Variants in STXBP4 observed in about 807,000 individuals in gnomAD.
STXBP4 encodes syntaxin binding protein 4, also known as syntaxin-binding protein 4.
In STXBP4, 55 loss-of-function variants were observed where a neutral mutation model predicts 76.1. That is an observed-to-expected ratio of 0.72 (90% CI 0.58 to 0.91). The LOEUF (loss-of-function observed/expected upper bound fraction) is 0.91, where lower values mean the gene tolerates loss of function less well. Ranked by LOEUF, STXBP4 falls within the 40% of genes least tolerant of loss-of-function variation. The probability of loss-of-function intolerance (pLI) is 0.00; values close to 1 mark genes in which losing one functional copy is unlikely to be tolerated. For synonymous variants in STXBP4, 201 were observed against 220.2 expected (o/e 0.91, Z 0.77); for missense variants, 618 against 636.9 (o/e 0.97, Z 0.32).
At chr17:55,150,571 A>G (rs781527397) in intron 17 of STXBP4, among the ~76,000 whole-genome samples, 5 of 152,204 alleles carry the variant, frequency 3.3e-5, no homozygotes, top group Non-Finnish European at 7.4e-5. Flanking sequence ...TACATTTCAT[A>G]AGGTCCCTAG....
chr17:55,145,408 T>C (rs374956322), intron 17 of STXBP4, among the ~76,000 whole-genome samples: 1 of 152,220 alleles, frequency 6.6e-6, no homozygotes, highest in Admixed American at 6.5e-5. Flanking sequence ...TGATGGTCTA[T>C]ATACACATAA....
At chr17:55,020,927 A>G (rs2078299649) in intron 8 of STXBP4, among the ~76,000 whole-genome samples, 1 of 152,166 alleles carries the variant, frequency 6.6e-6, no homozygotes, top group African/African-American at 2.4e-5. Context: ...AGATTTACAT[A>G]TGTATGTTTC....
At chr17:55,211,184 T>A in the STXBP4 span, among the ~76,000 whole-genome samples, 1 of 152,166 alleles carries the variant, frequency 6.6e-6, no homozygotes. Flanking sequence ...TTGAGCATCA[T>A]TCATTTCAAT....
intron 16 of STXBP4, among the ~76,000 whole-genome samples, chr17:55,130,539 A>G (rs1042106868): frequency 1.2e-4 from 19 of 152,202 alleles, no homozygotes; most frequent in Admixed American, 7.9e-4. Flanking sequence ...AACATTTAAA[A>G]TCTACACTTT....
At chr17:55,197,607 G>A in the STXBP4 span, among the ~76,000 whole-genome samples, 6 of 152,300 alleles carry the variant, frequency 3.9e-5, no homozygotes, top group Non-Finnish European at 8.8e-5. Flanking sequence ...GCCAGGCGTG[G>A]TGGCATGCAC....
the STXBP4 span, among the ~76,000 whole-genome samples, chr17:55,207,822 T>G: frequency 2.0e-5 from 3 of 152,222 alleles, no homozygotes. Context: ...ACATGTAGTT[T>G]GTTGAGCGGA....
chr17:54,995,934 A>T (rs2077794590), intron 4 of STXBP4, among the ~76,000 whole-genome samples: 1 of 152,134 alleles, frequency 6.6e-6, no homozygotes. Flanking sequence ...CATGAAAAGG[A>T]CAGAGTTCTA....
intron 7 of STXBP4, among the ~76,000 whole-genome samples, chr17:55,002,111 G>A (rs1426528225): frequency 3.9e-5 from 6 of 152,116 alleles, no homozygotes; most frequent in Admixed American, 1.3e-4. Context: ...TTAATTTCCA[G>A]TCTCTGCATG....
At chr17:55,212,665 G>A in the STXBP4 span, among the ~76,000 whole-genome samples, 2 of 152,070 alleles carry the variant, frequency 1.3e-5, no homozygotes, top group African/African-American at 2.4e-5. Flanking sequence ...TCTTCTCACT[G>A]TTTGTTAAAA....
rs1282154768 is a variant in STXBP4 at position 55,168,263 on chromosome 17, C to CA, written c.*8353dup. ...TATACACACCACACACACACACACA[C>CA]ACACGTATTGGAGGAATAAGAAATA... On this transcript the variant is annotated 3_prime_UTR_variant, in exon 18 of 18. Coordinates refer to ENST00000376352, the MANE Select transcript of STXBP4 (RefSeq NM_178509.6). 1 of 151,718 alleles carries CA rather than the reference C, an allele frequency of 6.6e-6. No homozygotes were observed. The highest frequency in any genetic ancestry group is 1.9e-4 in the East Asian group (1 of 5,170). 9.4% of individuals were successfully genotyped at this position (151,718 alleles called of 1,614,324 possible). A position where few individuals can be genotyped will look rare whatever the true frequency, so the allele number is the denominator to read the frequency against.
At chr17:55,138,607 A>G (rs1316576014) in intron 16 of STXBP4, among the ~76,000 whole-genome samples, 9 of 152,158 alleles carry the variant, frequency 5.9e-5, no homozygotes, top group African/African-American at 1.9e-4. Flanking sequence ...TATAGTTGTC[A>G]TAACGTTTTT....
At chr17:55,071,359 G>A (rs992534805) in intron 12 of STXBP4, among the ~76,000 whole-genome samples, 1 of 151,874 alleles carries the variant, frequency 6.6e-6, no homozygotes, top group African/African-American at 2.4e-5. Context: ...TACTACTCCC[G>A]TCTTCCTGGA....
intron 13 of STXBP4, among the ~76,000 whole-genome samples, chr17:55,075,880 A>G (rs1280891815): frequency 6.6e-6 from 1 of 152,178 alleles, no homozygotes; most frequent in Non-Finnish European, 1.5e-5. Context: ...GAAATCAGCT[A>G]TAATGGGGTT....
At chr17:55,081,604 A>G (rs372196511) in intron 16 of STXBP4, among the ~76,000 whole-genome samples, 1 of 152,200 alleles carries the variant, frequency 6.6e-6, no homozygotes, top group African/African-American at 2.4e-5. Flanking sequence ...ACGATGAGTT[A>G]AGCAGAACCA....
At chr17:55,033,114 CTG>C (rs2078537815) in intron 9 of STXBP4, among the ~76,000 whole-genome samples, 1 of 152,156 alleles carries the variant, frequency 6.6e-6, no homozygotes, top group Non-Finnish European at 1.5e-5. Flanking sequence ...TGACTCACAC[CTG>C]TAATCCCAGC....
chr17:54,984,332 C>A (rs1279091498), intron 1 of STXBP4, among the ~76,000 whole-genome samples: 239 of 130,272 alleles, frequency 1.8e-3, no homozygotes, highest in African/African-American at 6.6e-3. Flanking sequence ...CTCTCTTTTT[C>A]TTTTTTCTTT....
downstream of STXBP4, among the ~76,000 whole-genome samples, chr17:55,174,237 G>T (rs905605209): frequency 6.6e-6 from 1 of 152,158 alleles, no homozygotes; most frequent in Non-Finnish European, 1.5e-5. Flanking sequence ...ATGTTATTCT[G>T]CCTGCTTATC....
intron 13 of STXBP4, among the ~76,000 whole-genome samples, chr17:55,076,788 A>G (rs1309808990): frequency 6.6e-6 from 1 of 152,084 alleles, no homozygotes; most frequent in Non-Finnish European, 1.5e-5. Flanking sequence ...TGTGTGCTAT[A>G]GCTTCTTCTG....
At chr17:55,133,596 C>T (rs2079995693) in intron 16 of STXBP4, among the ~76,000 whole-genome samples, 1 of 152,158 alleles carries the variant, frequency 6.6e-6, no homozygotes, top group Admixed American at 6.5e-5. Flanking sequence ...AGCCTTGGAG[C>T]AGTCCAACTT....
Sources: gnomAD v4.1 joint callset for allele counts (sites outside exome capture counted in the v4.1 genomes callset) on GRCh38, gnomAD v4.1.1 for gene constraint, MANE v1.5 for transcripts, NCBI Gene and HGNC (gene_info 2026-07-23, HGNC 2026-07-21) for gene names.